The following SND1 variants were observed in gnomAD, a reference collection of about 807,000 sequenced individuals.
The protein encoded by SND1 is staphylococcal nuclease and tudor domain containing 1, also known as staphylococcal nuclease domain-containing protein 1.
A neutral mutation model predicts 121.7 loss-of-function variants in SND1; 38 were observed. The observed-to-expected ratio is 0.31, with a 90% confidence interval of 0.24 to 0.41. SND1 has a LOEUF of 0.41. SND1 is among the 10% of genes least tolerant of loss of function. The pLI, the probability that SND1 is intolerant of heterozygous loss-of-function variation, is 1.00. For synonymous variants in SND1, 401 were observed against 447.4 expected, an observed-to-expected ratio of 0.90 and a Z score of 1.31; for missense variants, 868 against 1,184.6, an observed-to-expected ratio of 0.73 and a Z score of 3.92.
At chr7:127,719,653 T>A (rs1293776121) in intron 9 of SND1, among the ~76,000 whole-genome samples, 2 of 152,224 alleles carry the variant, frequency 1.3e-5, no homozygotes, top group Non-Finnish European at 2.9e-5. Flanking sequence ...TTTTCAGGGT[T>A]GTAAGTTAAT....
chr7:127,698,168 C>T (rs1045730929), intron 3 of SND1, among the ~76,000 whole-genome samples: 1 of 152,076 alleles, frequency 6.6e-6, no homozygotes, highest in African/African-American at 2.4e-5. Flanking sequence ...CCTGTGTTCT[C>T]TCAGTATCCC....
At chr7:128,037,121 C>T (rs1247711990) in intron 16 of SND1, among the ~76,000 whole-genome samples, 1 of 152,178 alleles carries the variant, frequency 6.6e-6, no homozygotes, top group Non-Finnish European at 1.5e-5. Context: ...CAAATCACCA[C>T]ATAGTTGGTG....
intron 14 of SND1, among the ~76,000 whole-genome samples, chr7:127,915,368 C>T (rs1030837740): frequency 1.3e-5 from 2 of 152,180 alleles, no homozygotes; most frequent in Admixed American, 1.3e-4. Context: ...GTAATATTTA[C>T]ATTGCAAACT....
At position 128,009,013 on chromosome 7, in the gene SND1, T is replaced by G. The variant is rs576271200; in HGVS notation, c.1779+17957T>G. Among the ~76,000 whole-genome samples, 3 of 152,250 alleles carry G rather than the reference T, an allele frequency of 2.0e-5. No individual in the cohort carries two copies. In the East Asian group the frequency reaches 5.8e-4, roughly 29 times the overall value. ...AGTAAATATGGGGAGGTGTCAGGAC[T>G]GTAGAATTCAATAGTAATAATAAGC... On this transcript the variant is annotated intron_variant, in intron 16 of 23. Transcript: ENST00000354725.
chr7:127,935,575 G>A (rs1801044275), intron 15 of SND1, among the ~76,000 whole-genome samples: 1 of 152,210 alleles, frequency 6.6e-6, no homozygotes, highest in East Asian at 1.9e-4. Context: ...AGAAGCAGAA[G>A]GGATGAGATG....
chr7:127,832,214 A>G (rs1044821587), intron 11 of SND1, among the ~76,000 whole-genome samples: 2 of 152,248 alleles, frequency 1.3e-5, no homozygotes, highest in Non-Finnish European at 2.9e-5. Flanking sequence ...TTAAACTACT[A>G]TGAATGCAAA....
chr7:127,866,579 T>C (rs1410057568), intron 12 of SND1, among the ~76,000 whole-genome samples: 3 of 152,176 alleles, frequency 2.0e-5, no homozygotes, highest in Non-Finnish European at 4.4e-5. Context: ...CTCCACTCCA[T>C]GCACTCAACA....
At chr7:127,679,968 C>T (rs1431095215) in intron 1 of SND1, among the ~76,000 whole-genome samples, 2 of 152,006 alleles carry the variant, frequency 1.3e-5, no homozygotes, top group East Asian at 3.9e-4. Flanking sequence ...GGAACCTGCC[C>T]CTGATAGTCA....
chr7:127,731,092 G>A (rs749418283), intron 10 of SND1, among the ~76,000 whole-genome samples: 3 of 152,236 alleles, frequency 2.0e-5, no homozygotes, highest in Non-Finnish European at 2.9e-5. Context: ...GAGGAGCTGC[G>A]TAGCCAGGGC....
intron 11 of SND1, among the ~76,000 whole-genome samples, chr7:127,808,842 C>T (rs912265294): frequency 2.0e-5 from 3 of 152,202 alleles, no homozygotes; most frequent in Admixed American, 1.3e-4. Flanking sequence ...GATATCATTT[C>T]GCTCATTTAC....
In SND1 at chr7:128,029,578, T is replaced by G; in HGVS notation, c.1779+38522T>G. The G allele has an allele frequency of 6.2e-7, 1 of 1,613,920 alleles. No homozygotes were observed. Among genetic ancestry groups the G allele is most frequent in the Non-Finnish European group, 8.5e-7 (1 of 1,179,980 alleles). ...TTGAGGTCTCGAGGTGCGTCCATGA[T>G]GAAGGGGGCAGAGCACTGGAAGGAG... is the stretch of plus-strand genomic sequence containing the variant. On this transcript the variant is annotated intron_variant, in intron 16 of 23. Transcript: ENST00000354725. This position sits in a 1 kb window ranked among gnomAD's most constrained non-coding sequence, Gnocchi z 4.2.
chr7:127,970,916 C>T (rs1178756691), intron 15 of SND1, among the ~76,000 whole-genome samples: 1 of 151,900 alleles, frequency 6.6e-6, no homozygotes, highest in Non-Finnish European at 1.5e-5. Flanking sequence ...TTGAGACCAG[C>T]CTGGGCAACA....
chr7:127,874,467 G>A (rs1247238313), intron 12 of SND1, among the ~76,000 whole-genome samples: 1 of 152,106 alleles, frequency 6.6e-6, no homozygotes, highest in East Asian at 1.9e-4. Context: ...TGGTGGAGTA[G>A]AGAAAAGTCC....
chr7:127,728,009 T>C (rs1796612764), intron 10 of SND1, among the ~76,000 whole-genome samples: 1 of 152,142 alleles, frequency 6.6e-6, no homozygotes. Context: ...CCTGCCTCCT[T>C]CTGATGAGGT....
chr7:127,734,273 G>T (rs1184041470), intron 10 of SND1, among the ~76,000 whole-genome samples: 5 of 152,092 alleles, frequency 3.3e-5, no homozygotes, highest in Non-Finnish European at 7.3e-5. Context: ...TAAGAGTTCT[G>T]CCTGAAGAAA....
chr7:127,765,721 A>C (rs1563005505), intron 10 of SND1, among the ~76,000 whole-genome samples: 3 of 152,210 alleles, frequency 2.0e-5, no homozygotes, highest in Non-Finnish European at 4.4e-5. Context: ...CAATTAAGAA[A>C]GATAAAGGAT....
rs78566772 is a variant in SND1, at chr7:127,957,276, G to A, written c.1669+27947G>A. 4.2e-3 allele frequency among the ~76,000 whole-genome samples: 636 copies of A among 152,266 alleles called. 7 individuals are homozygous for A. Among genetic ancestry groups the A allele is most frequent in the African/African-American group, 0.014 (600 of 41,550 alleles). ...TCATTTGGAACTAGGAAAGCAGCCC[G>A]GTTGGCATTTCACTAACTAGTGTCC... On this transcript the variant is annotated intron_variant, in intron 15 of 23. Coordinates refer to ENST00000354725, the MANE Select transcript of SND1 (RefSeq NM_014390.4).
intron 10 of SND1, among the ~76,000 whole-genome samples, chr7:127,797,041 C>T (rs961623200): frequency 2.6e-5 from 4 of 151,852 alleles, no homozygotes; most frequent in East Asian, 1.9e-4. Context: ...TACAGGTGAA[C>T]GCCACCATGC....
intron 14 of SND1, among the ~76,000 whole-genome samples, chr7:127,911,910 A>C (rs972481267): frequency 1.3e-5 from 2 of 151,942 alleles, no homozygotes; most frequent in Non-Finnish European, 2.9e-5. Flanking sequence ...AGTTGCCCTC[A>C]CCCTTATGAT....
Sources: gnomAD v4.1 joint callset for allele counts (sites outside exome capture counted in the v4.1 genomes callset) on GRCh38, gnomAD v4.1.1 for gene constraint, Gnocchi (gnomAD v3.1) non-coding constraint, MANE v1.5 for transcripts, NCBI Gene and HGNC (gene_info 2026-07-23, HGNC 2026-07-21) for gene names.